CFH: variants seen among roughly 807,000 people sequenced by gnomAD.
The protein encoded by CFH is complement factor H, also known as H factor 1 (complement).
CFH carries 53 observed loss-of-function variants against 147.3 expected under a neutral mutation model. The ratio of observed to expected loss-of-function variants is 0.36; its 90% confidence interval spans 0.29 to 0.45. The LOEUF is 0.45. CFH is among the 20% of genes least tolerant of loss of function. The pLI is 1.00. For synonymous variants in CFH, 536 were observed against 489.4 expected (o/e 1.10, Z -1.26); for missense variants, 1,380 against 1,498.0 (o/e 0.92, Z 1.30).
chr1:196,740,454 C>G (rs1173677426), intron 17 of CFH, among the ~76,000 whole-genome samples, 165 bp from the exon 18 acceptor site: 1 of 152,168 alleles, frequency 6.6e-6, no homozygotes, highest in Non-Finnish European at 1.5e-5. Context: ...GATAGACAGA[C>G]AGACACCAGA....
At chr1:196,716,433 T>C (rs1368729985) in intron 11 of CFH, among the ~76,000 whole-genome samples, 1 of 152,140 alleles carries the variant, frequency 6.6e-6, no homozygotes, top group African/African-American at 2.4e-5. Context: ...AGGCATCATA[T>C]CATTTGGATT....
chr1:196,681,439 C>T (rs1457842680), intron 6 of CFH, among the ~76,000 whole-genome samples: 1 of 150,576 alleles, frequency 6.6e-6, no homozygotes, highest in Non-Finnish European at 1.5e-5. Context: ...TACTGCATTT[C>T]TATTCTTGCT....
intron 9 of CFH, among the ~76,000 whole-genome samples, chr1:196,707,911 A>G (rs1668630988): frequency 6.6e-6 from 1 of 152,188 alleles, no homozygotes; most frequent in South Asian, 2.1e-4. Context: ...CTGAATGCTT[A>G]AGCCATATAT....
intron 9 of CFH, among the ~76,000 whole-genome samples, chr1:196,697,906 A>G (rs1399971154): frequency 6.6e-6 from 1 of 151,442 alleles, no homozygotes; most frequent in Non-Finnish European, 1.5e-5. Flanking sequence ...TGGCAATGAC[A>G]AAAAACCAAG....
intron 9 of CFH, among the ~76,000 whole-genome samples, chr1:196,703,788 T>C (rs1026836419): frequency 1.3e-5 from 2 of 151,728 alleles, no homozygotes; most frequent in African/African-American, 4.8e-5. Flanking sequence ...ATCGAGACCA[T>C]CCTGGCTAAC....
intron 9 of CFH, among the ~76,000 whole-genome samples, chr1:196,709,841 T>G (rs1280641551): frequency 6.6e-6 from 1 of 152,044 alleles, no homozygotes; most frequent in East Asian, 1.9e-4. Flanking sequence ...AAACCTCATT[T>G]TCACAAAAAA....
rs1667884891 is a variant in CFH, at chr1:196,687,980, T to C, written c.965-1440T>C. On this transcript the variant is annotated intron_variant, in intron 7 of 21. Coordinates refer to ENST00000367429, the MANE Select transcript of CFH (RefSeq NM_000186.4). ...TTCAGTTTATAATCCACATAATAAATGTAGAAACTACATGAAAATTTCTCT... is the reference window on the plus strand; with the variant it reads ...TTCAGTTTATAATCCACATAATAAACGTAGAAACTACATGAAAATTTCTCT... Among the ~76,000 whole-genome samples the C allele has an allele frequency of 3.9e-5, 6 of 151,982 alleles. No individual in the cohort carries two copies. In the South Asian group the frequency reaches 1.2e-3, roughly 32 times the overall value.
At chr1:196,708,885 C>T (rs1237434814) in intron 9 of CFH, among the ~76,000 whole-genome samples, 2 of 152,122 alleles carry the variant, frequency 1.3e-5, no homozygotes, top group Admixed American at 6.6e-5. Flanking sequence ...ATCACGAGTC[C>T]TAGCTATGGA....
intron 6 of CFH, among the ~76,000 whole-genome samples, chr1:196,683,921 G>T (rs760979170): frequency 6.6e-6 from 1 of 150,588 alleles, no homozygotes; most frequent in Non-Finnish European, 1.5e-5. Context: ...AAATAAATTG[G>T]GGGTATATAA....
In CFH at chr1:196,728,346, C is replaced by A. The variant is rs749940134; in HGVS notation, c.2237C>A (p.Ala746Glu). 3.5e-6 allele frequency: 5 copies of A among 1,430,196 alleles called. No individual in the cohort carries two copies. In the South Asian group the frequency reaches 5.4e-5, roughly 15 times the overall value. 88.6% of individuals were successfully genotyped at this position (1,430,196 alleles called of 1,614,324 possible). ...TCATAAAAATATATTTATTTTATAG[C>A]AATAGATAAACTTAAGAAGTGCAAA... Reference protein sequence around the residue: ...GVWTQLPQCVAIDKLKKCKSS... With the variant: ...GVWTQLPQCVEIDKLKKCKSS... The change falls in exon 15 of 22, where the codon GCA becomes GAA. Residue 746 changes from alanine (A) to glutamate (E), a missense_variant and splice_region_variant. By Grantham distance (107) the Ala-to-Glu change is moderately radical. Transcript: ENST00000367429.
intron 15 of CFH, among the ~76,000 whole-genome samples, chr1:196,729,568 C>T (rs989074066): frequency 4.6e-5 from 7 of 151,736 alleles, no homozygotes; most frequent in Admixed American, 3.9e-4. Flanking sequence ...GCGTTGTGTC[C>T]TTGTCTGGTT....
At chr1:196,660,157 GA>G (rs534792545) in intron 1 of CFH, among the ~76,000 whole-genome samples, 135 of 152,272 alleles carry the variant, frequency 8.9e-4, no homozygotes, top group African/African-American at 3.2e-3. Context: ...AGGCCTGAAA[GA>G]TGAGACAAAG....
chr1:196,694,651 C>A (rs1055800170), intron 9 of CFH, among the ~76,000 whole-genome samples: 3 of 152,188 alleles, frequency 2.0e-5, no homozygotes, highest in Non-Finnish European at 4.4e-5. Context: ...TTCTCCGCAT[C>A]CTCGCCAGCA....
At chr1:196,712,829 A>C (rs891390354) in intron 9 of CFH, among the ~76,000 whole-genome samples, 29 of 127,756 alleles carry the variant, frequency 2.3e-4, no homozygotes, top group African/African-American at 7.9e-4. Flanking sequence ...ACGTGTTCTC[A>C]TTGTTCAGTT....
At chr1:196,692,297 C>G in intron 9 of CFH, 1 of 327,832 alleles carries the variant, frequency 3.1e-6, no homozygotes, top group Non-Finnish European at 4.4e-6. Flanking sequence ...TCACCCAAAT[C>G]TTTTTGCTTC....
chr1:196,701,285 C>T (rs771634222), intron 9 of CFH: 1 of 1,613,650 alleles, frequency 6.2e-7, no homozygotes, highest in Admixed American at 1.7e-5. Context: ...AAGCCTAACT[C>T]AGGGTAATCA....
intron 1 of CFH, among the ~76,000 whole-genome samples, chr1:196,657,342 C>T (rs1004457949): frequency 6.6e-6 from 1 of 151,982 alleles, no homozygotes; most frequent in African/African-American, 2.4e-5. Context: ...TAGATCATAT[C>T]GTATATATGC....
At position 196,704,372 on chromosome 1, in the gene CFH, G is replaced by A. The variant is rs1000483315; in HGVS notation, c.1337-9363G>A. ...GGCCTCCCAAAGTGCTGGGAGCTGGGATTACAGGTGTGAGCCACTGCTCCC... is the reference window on the plus strand; with the variant it reads ...GGCCTCCCAAAGTGCTGGGAGCTGGAATTACAGGTGTGAGCCACTGCTCCC... On this transcript the variant is annotated intron_variant, in intron 9 of 21. Coordinates refer to ENST00000367429, the MANE Select transcript of CFH (RefSeq NM_000186.4). 3.3e-5 allele frequency among the ~76,000 whole-genome samples: 5 copies of A among 152,298 alleles called. No homozygotes were observed. The South Asian group carries it at 1.0e-3, about 32-fold the overall frequency.
At chr1:196,719,575 T>G (rs1573059387) in intron 11 of CFH, among the ~76,000 whole-genome samples, 1 of 151,928 alleles carries the variant, frequency 6.6e-6, no homozygotes, top group East Asian at 1.9e-4. Flanking sequence ...TATGATGTAA[T>G]TAATTTTCTT....
Sources: gnomAD v4.1 joint callset for allele counts (sites outside exome capture counted in the v4.1 genomes callset) on GRCh38, gnomAD v4.1.1 for gene constraint, MANE v1.5 for transcripts, NCBI Gene and HGNC (gene_info 2026-07-23, HGNC 2026-07-21) for gene names.